The following RTN1 variants were observed in gnomAD, a reference collection of about 807,000 sequenced individuals.
RTN1 encodes reticulon 1.
In RTN1, 25 loss-of-function variants were observed where a neutral mutation model predicts 65.5. The ratio of observed to expected loss-of-function variants is 0.38; its 90% CI spans 0.28 to 0.53. The LOEUF (loss-of-function observed/expected upper bound fraction) is 0.53, where lower values mean the gene tolerates loss of function less well. RTN1 is among the 20% of genes least tolerant of loss of function. The pLI is 0.79. For missense variants in RTN1, 983 were observed against 1,025.4 expected, an observed-to-expected ratio of 0.96 and a Z score of 0.57; for synonymous variants, 471 against 447.6, an observed-to-expected ratio of 1.05 and a Z score of -0.66.
chr14:59,795,119 T>C (rs1289448098), intron 1 of RTN1, among the ~76,000 whole-genome samples: 1 of 152,210 alleles, frequency 6.6e-6, no homozygotes, highest in African/African-American at 2.4e-5. Context: ...GTGTGTATGT[T>C]TGTGTGCATA....
intron 1 of RTN1, among the ~76,000 whole-genome samples, chr14:59,751,118 T>C (rs1472143540): frequency 1.3e-5 from 2 of 151,686 alleles, no homozygotes; most frequent in Admixed American, 6.6e-5. Context: ...ATACTTCATT[T>C]AGCAAGTGAC....
chr14:59,821,917 G>T (rs1285564776), intron 1 of RTN1, among the ~76,000 whole-genome samples: 1 of 152,142 alleles, frequency 6.6e-6, no homozygotes, highest in African/African-American at 2.4e-5. Flanking sequence ...TAATTTGCTA[G>T]TATTTTGTTG....
At chr14:59,656,261 G>A (rs953645323) in intron 3 of RTN1, among the ~76,000 whole-genome samples, 2 of 150,994 alleles carry the variant, frequency 1.3e-5, no homozygotes, top group African/African-American at 4.9e-5. Context: ...TTTCTTTGGG[G>A]GGTAATGAAA....
intron 1 of RTN1, among the ~76,000 whole-genome samples, chr14:59,839,996 C>A (rs1311450427): frequency 6.6e-6 from 1 of 151,634 alleles, no homozygotes; most frequent in East Asian, 1.9e-4. Flanking sequence ...CCTTTTTTTT[C>A]CCTTGTCCCA....
chr14:59,736,119 C>T (rs1424168362), intron 2 of RTN1, among the ~76,000 whole-genome samples: 10 of 151,978 alleles, frequency 6.6e-5, no homozygotes, highest in Non-Finnish European at 1.5e-4. Context: ...CCTAACATCA[C>T]AACTAAAAGA....
rs914305462 is a variant in RTN1, at chr14:59,596,475, G to A, written c.*270C>T. 34 of 277,378 alleles carry A rather than the reference G, an allele frequency of 1.2e-4. No homozygotes were observed. Among genetic ancestry groups the A allele is most frequent in the African/African-American group, 7.3e-4 (33 of 45,474 alleles). 17.2% of individuals were successfully genotyped at this position (277,378 alleles called of 1,614,324 possible). On this transcript the variant is annotated 3_prime_UTR_variant, in exon 9 of 9. Coordinates refer to ENST00000267484, the MANE Select transcript of RTN1 (RefSeq NM_021136.3). ...CACCGAAGAGGGAAAGATAACTTGG[G>A]CTCTCACCATCATGCACTTTTTTTA...
intron 1 of RTN1, among the ~76,000 whole-genome samples, chr14:59,750,847 G>A (rs1408528005): frequency 3.5e-5 from 5 of 143,938 alleles, no homozygotes; most frequent in Non-Finnish European, 6.0e-5. Context: ...CCAAGTAACC[G>A]GGACTACAGG....
chr14:59,757,087 C>T lies in RTN1; in HGVS notation c.242-10606G>A, dbSNP rs182293909. 2.6e-3 allele frequency among the ~76,000 whole-genome samples: 401 copies of T among 152,312 alleles called. 6 individuals are homozygous for T. The highest frequency in any genetic ancestry group is 7.3e-4 in the Non-Finnish European group (50 of 68,032). ...AGGCACAGAGATTTCCCATATGCCC[C>T]TGCCTCCACACATGCTGCTGTGGTC... On this transcript the variant is annotated intron_variant, in intron 1 of 8. Transcript: ENST00000267484.
intron 3 of RTN1, among the ~76,000 whole-genome samples, chr14:59,723,616 A>AAAGT (rs1884695639): frequency 6.6e-6 from 1 of 152,070 alleles, no homozygotes; most frequent in Non-Finnish European, 1.5e-5. Context: ...ACTCCGTCTC[A>AAAGT]AAATAAATAA....
rs78026293 is a variant in RTN1, at chr14:59,770,435, T to A, written c.242-23954A>T. Among the ~76,000 whole-genome samples the A allele has an allele frequency of 2.7e-3, 388 of 141,452 alleles. 13 individuals are homozygous for A. The East Asian group carries it at 0.068, about 25-fold the overall frequency. The allele number at this position is 141,452 out of a possible 152,430, so 92.8% of individuals were successfully genotyped here. On this transcript the variant is annotated intron_variant, in intron 1 of 8. Transcript: ENST00000267484. ...TAGAACTTAGGATTTCAAAGACTAA[T>A]GCATGATTTCATTTTGTTTAGAAAT... is the stretch of plus-strand genomic sequence containing the variant.
At position 59,843,200 on chromosome 14, in the gene RTN1, T is replaced by C. The variant is rs570300547; in HGVS notation, c.241+27190A>G. 1.2e-4 allele frequency among the ~76,000 whole-genome samples: 18 copies of C among 152,346 alleles called. No individual in the cohort carries two copies. In the South Asian group the frequency reaches 3.1e-3, roughly 26 times the overall value. ...CATGAATGTTTAGCAAAGCATTATA[T>C]TGAGCAAAAGAAGACAGACACAAAA... is the stretch of plus-strand genomic sequence containing the variant. On this transcript the variant is annotated intron_variant, in intron 1 of 8. Transcript: ENST00000267484.
chr14:59,751,273 A>T (rs772144399), intron 1 of RTN1, among the ~76,000 whole-genome samples: 9 of 150,772 alleles, frequency 6.0e-5, no homozygotes, highest in Non-Finnish European at 1.2e-4. Context: ...AAAAGGAATA[A>T]TACTAAGGAT....
intron 2 of RTN1, among the ~76,000 whole-genome samples, chr14:59,734,611 T>C (rs1314610677): frequency 1.3e-5 from 2 of 151,780 alleles, no homozygotes; most frequent in African/African-American, 2.4e-5. Context: ...AATAGCAAAA[T>C]AGACCAAGCA....
At chr14:59,835,284 T>C (rs1307958879) in intron 1 of RTN1, among the ~76,000 whole-genome samples, 1 of 152,116 alleles carries the variant, frequency 6.6e-6, no homozygotes, top group African/African-American at 2.4e-5. Flanking sequence ...ATTCCATTTC[T>C]ATAAAAATCA....
chr14:59,810,089 T>C (rs999883665), intron 1 of RTN1, among the ~76,000 whole-genome samples: 4 of 152,206 alleles, frequency 2.6e-5, no homozygotes, highest in Non-Finnish European at 4.4e-5. Context: ...CAATTCCATA[T>C]ATCTTATGGA....
rs936791656 is a variant in RTN1 at position 59,727,218 on chromosome 14, G to A, written c.1466C>T (p.Pro489Leu). 6.4e-7 allele frequency: 1 copy of A among 1,569,626 alleles called. No individual in the cohort carries two copies. Among genetic ancestry groups the A allele is most frequent in the Non-Finnish European group, 8.6e-7 (1 of 1,157,964 alleles). Residue 489 changes from proline to leucine, a missense_variant, in exon 3 of 9, where the codon CCG becomes CTG. By Grantham distance (98) the Pro-to-Leu change is moderately conservative. Coordinates refer to ENST00000267484, the MANE Select transcript of RTN1 (RefSeq NM_021136.3). The surrounding 1 kb of genome is among the most constrained non-coding windows in gnomAD (Gnocchi z 4.2). ...ESPKREQDSPPMKPSALDAIR... is the reference protein window; with the variant it reads ...ESPKREQDSPLMKPSALDAIR... Reference sequence around the variant, plus strand: ...GGCATCCAGGGCGCTGGGCTTCATCGGGGGTGAGTCCTGCTCCCGCTTGGG... The same window carrying A: ...GGCATCCAGGGCGCTGGGCTTCATCAGGGGTGAGTCCTGCTCCCGCTTGGG...
intron 1 of RTN1, among the ~76,000 whole-genome samples, chr14:59,813,930 G>A (rs1886773684): frequency 6.6e-6 from 1 of 152,056 alleles, no homozygotes; most frequent in African/African-American, 2.4e-5. Flanking sequence ...GACCATCGCT[G>A]GAATTGATGA....
At chr14:59,662,579 G>C (rs1883274885) in intron 3 of RTN1, among the ~76,000 whole-genome samples, 2 of 151,850 alleles carry the variant, frequency 1.3e-5, no homozygotes, top group South Asian at 4.2e-4. Context: ...ATTTCGGTTG[G>C]TTCCAGGTCT....
chr14:59,849,993 A>T lies in RTN1; in HGVS notation c.241+20397T>A, dbSNP rs997395819. 9.5e-4 allele frequency among the ~76,000 whole-genome samples: 145 copies of T among 152,126 alleles called. No homozygotes were observed. The highest frequency in any genetic ancestry group is 3.3e-3 in the African/African-American group (136 of 41,488). On this transcript the variant is annotated intron_variant, in intron 1 of 8. Transcript: ENST00000267484. The surrounding 1 kb of genome is among the most constrained non-coding windows in gnomAD (Gnocchi z 4.5). ...TCTATTTGTGTCCATTCCAGGGGCC[A>T]AGCCTCTCCTTTCACCGCCACCTCT... is the stretch of plus-strand genomic sequence containing the variant.
Sources: gnomAD v4.1 joint callset for allele counts (sites outside exome capture counted in the v4.1 genomes callset) on GRCh38, gnomAD v4.1.1 for gene constraint, Gnocchi (gnomAD v3.1) non-coding constraint, MANE v1.5 for transcripts, NCBI Gene and HGNC (gene_info 2026-07-23, HGNC 2026-07-21) for gene names.